SGMS1: variants seen among roughly 807,000 people sequenced by gnomAD.
The protein encoded by SGMS1 is sphingomyelin synthase 1.
Under a neutral mutation model 46.2 loss-of-function variants are expected in SGMS1, and 13 were observed. The observed-to-expected ratio is 0.28, with a 90% CI of 0.18 to 0.45. SGMS1 has a LOEUF of 0.45. SGMS1 is among the 20% of genes least tolerant of loss of function. The pLI, the probability that SGMS1 is intolerant of heterozygous loss-of-function variation, is 1.00. For synonymous variants in SGMS1, 203 were observed against 187.8 expected, an observed-to-expected ratio of 1.08 and a Z score of -0.66; for missense variants, 324 against 519.9, an observed-to-expected ratio of 0.62 and a Z score of 3.66.
chr10:50,502,306 G>GGA (rs1554945007), intron 3 of SGMS1, among the ~76,000 whole-genome samples: 5 of 130,994 alleles, frequency 3.8e-5, no homozygotes, highest in Non-Finnish European at 6.3e-5. Context: ...AATGAGGAAA[G>GGA]AAAAAAAAAA....
At chr10:50,399,823 T>TC (rs1361720870) in intron 6 of SGMS1, among the ~76,000 whole-genome samples, 3 of 151,856 alleles carry the variant, frequency 2.0e-5, no homozygotes, top group African/African-American at 7.3e-5. Flanking sequence ...GGTCAGGAGA[T>TC]CGAGACCATT....
chr10:50,490,942 T>G (rs1207286565), intron 3 of SGMS1, among the ~76,000 whole-genome samples: 1 of 152,168 alleles, frequency 6.6e-6, no homozygotes, highest in Non-Finnish European at 1.5e-5. Flanking sequence ...AGACCACCCT[T>G]GACAAGAATA....
chr10:50,332,448 C>T (rs1269797330), intron 7 of SGMS1, among the ~76,000 whole-genome samples: 6 of 152,038 alleles, frequency 3.9e-5, no homozygotes, highest in East Asian at 1.9e-4. Flanking sequence ...CAACATTCTG[C>T]ACCCCCACAT....
At chr10:50,546,436 G>A (rs942817455) in intron 2 of SGMS1, among the ~76,000 whole-genome samples, 4 of 152,058 alleles carry the variant, frequency 2.6e-5, no homozygotes, top group African/African-American at 9.7e-5. Context: ...TGTTTATTGT[G>A]ACACTATTCA....
chr10:50,558,435 A>C (rs779262453), intron 2 of SGMS1, among the ~76,000 whole-genome samples: 7 of 152,186 alleles, frequency 4.6e-5, no homozygotes, highest in South Asian at 2.1e-4. Flanking sequence ...TGGCTGCTTA[A>C]ATTTCATGCC....
At chr10:50,592,582 G>A (rs1051965751) in intron 1 of SGMS1, among the ~76,000 whole-genome samples, 2 of 152,082 alleles carry the variant, frequency 1.3e-5, no homozygotes, top group African/African-American at 4.8e-5. Flanking sequence ...ATGAAGTCCA[G>A]GCACGTATCA....
rs11819701 is a variant in SGMS1, at chr10:50,537,458, T to G, written c.-588-17537A>C. Among the ~76,000 whole-genome samples, 9 of 97,032 alleles carry G rather than the reference T, an allele frequency of 9.3e-5. No individual in the cohort carries two copies. In the East Asian group the frequency reaches 4.6e-3, roughly 50 times the overall value. The allele number at this position is 97,032 out of a possible 152,430, so 63.7% of individuals were successfully genotyped here. On this transcript the variant is annotated intron_variant, in intron 2 of 10. Coordinates refer to ENST00000361781, the MANE Select transcript of SGMS1 (RefSeq NM_147156.4). ...TTTTCTTTATATATATATATAGATA[T>G]ATATATATTTTATTATACTTTAAGT...
intron 3 of SGMS1, among the ~76,000 whole-genome samples, chr10:50,473,432 A>G (rs185190612): frequency 6.6e-6 from 1 of 152,340 alleles, no homozygotes; most frequent in African/African-American, 2.4e-5. Context: ...CTTTTAAAAT[A>G]CTTTGAAGGA....
intron 1 of SGMS1, among the ~76,000 whole-genome samples, chr10:50,592,666 C>T (rs1394070449): frequency 1.3e-5 from 2 of 152,126 alleles, no homozygotes; most frequent in African/African-American, 4.8e-5. Context: ...CCGCCCACTC[C>T]CCTGCCTCAG....
chr10:50,370,671 G>A (rs1232068753), intron 6 of SGMS1, among the ~76,000 whole-genome samples: 1 of 151,204 alleles, frequency 6.6e-6, no homozygotes, highest in Non-Finnish European at 1.5e-5. Flanking sequence ...AACCCAGGAG[G>A]CAACGTTTGC....
chr10:50,523,736 C>G (rs552208402), intron 2 of SGMS1, among the ~76,000 whole-genome samples: 3 of 152,262 alleles, frequency 2.0e-5, no homozygotes, highest in African/African-American at 7.2e-5. Flanking sequence ...AATAAACAGT[C>G]AAAAATAAAA....
intron 8 of SGMS1, among the ~76,000 whole-genome samples, chr10:50,320,733 C>T (rs974950670): frequency 2.6e-5 from 4 of 152,218 alleles, no homozygotes; most frequent in African/African-American, 9.6e-5. Context: ...CCCTTCCATA[C>T]CCGTTGTTTC....
intron 2 of SGMS1, among the ~76,000 whole-genome samples, chr10:50,526,113 C>T (rs1837899031): frequency 6.6e-6 from 1 of 152,094 alleles, no homozygotes; most frequent in Non-Finnish European, 1.5e-5. Context: ...TCTCAAAGTG[C>T]TAAGAAAACT....
At chr10:50,321,071 C>T (rs1847434230) in intron 8 of SGMS1, among the ~76,000 whole-genome samples, 2 of 152,312 alleles carry the variant, frequency 1.3e-5, no homozygotes, top group African/African-American at 4.8e-5. Context: ...AAACAAGCTT[C>T]TTGACTATCA....
At chr10:50,333,714 C>T (rs1231762118) in intron 7 of SGMS1, among the ~76,000 whole-genome samples, 1 of 152,096 alleles carries the variant, frequency 6.6e-6, no homozygotes, top group African/African-American at 2.4e-5. Flanking sequence ...GTAGAACAGA[C>T]AAAATAATCA....
chr10:50,460,276 A>T (rs1315531127), intron 5 of SGMS1: 1 of 152,254 alleles, frequency 6.6e-6, no homozygotes, highest in Non-Finnish European at 1.5e-5. Flanking sequence ...AATGGCCTTG[A>T]TGATGTTCAG....
rs556902173 is a variant in SGMS1, at chr10:50,548,639, CAT to C, written c.-588-28720_-588-28719del. On this transcript the variant is annotated intron_variant, in intron 2 of 10. Coordinates refer to ENST00000361781, the MANE Select transcript of SGMS1 (RefSeq NM_147156.4). The stretch of plus-strand genomic sequence containing the variant: ...AAAGTCTAGGCAATACCACTCAGGA[CAT>C]AGGCCCAGGCAAAGATTTCATGACG... Among the ~76,000 whole-genome samples, 7 of 152,302 alleles carry C rather than the reference CAT, an allele frequency of 4.6e-5. No homozygotes were observed. In the South Asian group the frequency reaches 1.5e-3, roughly 32 times the overall value.
intron 8 of SGMS1, among the ~76,000 whole-genome samples, chr10:50,316,926 G>C (rs1847348492): frequency 1.3e-5 from 2 of 152,172 alleles, no homozygotes. Context: ...CAACTGGCAT[G>C]TAACAGCCCT....
Position 50,353,327 on chromosome 10 carries a change from C to A in SGMS1, c.-231-8982G>T, listed in dbSNP as rs1434852008. ...GTAATCCAGCATATAAACAGAACCA[C>A]TGACAAAAACCACATGATTATCTCA... On this transcript the variant is annotated intron_variant, in intron 6 of 10. Coordinates refer to ENST00000361781, the MANE Select transcript of SGMS1 (RefSeq NM_147156.4). Among the ~76,000 whole-genome samples, 8 of 152,408 alleles carry A rather than the reference C, an allele frequency of 5.2e-5. No individual in the cohort carries two copies. The South Asian group carries it at 6.2e-4, about 12-fold the overall frequency.
Sources: allele counts gnomAD v4.1 joint callset (sites outside exome capture counted in the v4.1 genomes callset), GRCh38; gene constraint gnomAD v4.1.1; transcripts MANE v1.5; gene names NCBI Gene and HGNC (gene_info 2026-07-23, HGNC 2026-07-21).